CNOT4: variants seen among roughly 807,000 people sequenced by gnomAD.
CNOT4 encodes CCR4-associated factor 4.
Under a neutral mutation model 73.8 loss-of-function variants are expected in CNOT4, and 8 were observed. That is an observed-to-expected ratio of 0.11 (90% CI 0.06 to 0.20). The LOEUF is 0.20. CNOT4 is among the 10% of genes least tolerant of loss of function. The pLI is 1.00. For synonymous variants in CNOT4, 293 were observed against 321.1 expected (o/e 0.91, Z 0.94); for missense variants, 564 against 883.4 (o/e 0.64, Z 4.58).
chr7:135,501,070 G>A (rs940580680), intron 1 of CNOT4, among the ~76,000 whole-genome samples: 7 of 146,946 alleles, frequency 4.8e-5, no homozygotes, highest in South Asian at 2.1e-4. Context: ...TGCAACCTCC[G>A]CCTCCCGGGT....
At chr7:135,400,845 T>C (rs1426422957) in intron 7 of CNOT4, among the ~76,000 whole-genome samples, 1 of 152,176 alleles carries the variant, frequency 6.6e-6, no homozygotes, top group Non-Finnish European at 1.5e-5. Flanking sequence ...TTTACTATAT[T>C]CTTCTCAATT....
chr7:135,387,214 T>A (rs750173758), intron 10 of CNOT4: 126 of 984,728 alleles, frequency 1.3e-4, no homozygotes, highest in Middle Eastern at 1.0e-3. Flanking sequence ...TCTTGTAATG[T>A]CTTAAAGTCA....
intron 7 of CNOT4, among the ~76,000 whole-genome samples, chr7:135,405,562 T>C (rs139416230): frequency 7.6e-4 from 116 of 152,322 alleles, no homozygotes; most frequent in African/African-American, 2.7e-3. Flanking sequence ...CCCACTCTCA[T>C]TACTTGTATT....
chr7:135,401,253 T>A (rs890515900), intron 7 of CNOT4, among the ~76,000 whole-genome samples: 1 of 152,220 alleles, frequency 6.6e-6, no homozygotes, highest in African/African-American at 2.4e-5. Context: ...TTAATAAATT[T>A]CTTTTACTTT....
intron 7 of CNOT4, among the ~76,000 whole-genome samples, chr7:135,399,202 T>G (rs1010636391): frequency 1.3e-5 from 2 of 152,062 alleles, no homozygotes; most frequent in Admixed American, 6.6e-5. Flanking sequence ...AATGATGGGA[T>G]ACATTTTGAG....
At chr7:135,398,797 C>T (rs1212013843) in intron 7 of CNOT4, among the ~76,000 whole-genome samples, 2 of 151,992 alleles carry the variant, frequency 1.3e-5, no homozygotes, top group African/African-American at 4.8e-5. Flanking sequence ...AACATATTCC[C>T]CATTTCAGTT....
chr7:135,420,994 A>C (rs927476277), intron 3 of CNOT4, among the ~76,000 whole-genome samples: 1 of 152,116 alleles, frequency 6.6e-6, no homozygotes, highest in Non-Finnish European at 1.5e-5. Flanking sequence ...CATGTAACTA[A>C]CGACTGCCAG....
Position 135,414,361 on chromosome 7 carries a change from G to T in CNOT4, c.531C>A (p.Asn177Lys). 3 of 1,483,528 alleles carry T rather than the reference G, an allele frequency of 2.0e-6. No homozygotes were observed. The highest frequency in any genetic ancestry group is 2.8e-6 in the Non-Finnish European group (3 of 1,065,226). 91.9% of individuals were successfully genotyped at this position (1,483,528 alleles called of 1,614,324 possible). Residue 177 changes from asparagine to lysine, a missense_variant, in exon 5 of 12, where the codon AAC (asparagine) becomes AAA (lysine). Physicochemically the swap from Asn to Lys is moderately conservative, Grantham distance 94. Around this residue, in one of 10 missense-constraint regions of CNOT4, gnomAD observed 25 missense variants for 25.1 expected, o/e 1.00. Coordinates refer to ENST00000541284, the MANE Select transcript of CNOT4 (RefSeq NM_001190850.2). ...GTGTTCTGCCATCTACTACCACATTGTTGACACACTGTATGGCTCTGAGAG... is the reference window on the plus strand; with the variant it reads ...GTGTTCTGCCATCTACTACCACATTTTTGACACACTGTATGGCTCTGAGAG... ...EDALRAIQCV[N>K]NVVVDGRTLK...
intron 1 of CNOT4, among the ~76,000 whole-genome samples, chr7:135,461,141 G>A (rs888617183): frequency 6.6e-6 from 1 of 152,132 alleles, no homozygotes; most frequent in Admixed American, 6.5e-5. Flanking sequence ...CACAATTTTA[G>A]GTGGTGTGTG....
chr7:135,433,685 C>T (rs1585636413), intron 2 of CNOT4, among the ~76,000 whole-genome samples: 2 of 152,098 alleles, frequency 1.3e-5, no homozygotes, highest in South Asian at 4.1e-4. Context: ...TTCATAGATA[C>T]ATTATCTTCT....
chr7:135,388,980 T>C, intron 10 of CNOT4: 1 of 1,259,444 alleles, frequency 7.9e-7, no homozygotes, highest in Non-Finnish European at 1.1e-6. Context: ...TTTGGAATAC[T>C]GATACATATA....
intron 7 of CNOT4, among the ~76,000 whole-genome samples, chr7:135,410,096 G>T (rs1177909356): frequency 6.6e-6 from 1 of 152,042 alleles, no homozygotes; most frequent in Non-Finnish European, 1.5e-5. Flanking sequence ...AGATATCCTT[G>T]AATATCTGTG....
chr7:135,488,413 G>A (rs566934564), intron 1 of CNOT4, among the ~76,000 whole-genome samples: 5 of 152,216 alleles, frequency 3.3e-5, no homozygotes, highest in East Asian at 3.9e-4. Context: ...GGGTTTCACC[G>A]TGTTGGCCAG....
In CNOT4 at chr7:135,497,654, T is replaced by C. The variant is rs187471056; in HGVS notation, c.-93+12235A>G. Among the ~76,000 whole-genome samples the C allele has an allele frequency of 1.4e-4, 22 of 152,280 alleles. No individual in the cohort carries two copies. The East Asian group carries it at 3.9e-3, about 27-fold the overall frequency. On this transcript the variant is annotated intron_variant, in intron 1 of 11. Coordinates refer to ENST00000541284, the MANE Select transcript of CNOT4 (RefSeq NM_001190850.2). ...CACTATCATGACTTAAAAACAACAA[T>C]AACAACCTTGCAATGATTCCCCTCT...
In CNOT4 at chr7:135,469,158, C is replaced by T. The variant is rs78862381; in HGVS notation, c.-92-30735G>A. On this transcript the variant is annotated intron_variant, in intron 1 of 11. Transcript: ENST00000541284. ...TTCCCAGTATAACTCTGAGGGATGC[C>T]CAAGAACATTTGTTTATTCAACAAA... 2.3e-3 allele frequency among the ~76,000 whole-genome samples: 340 copies of T among 151,046 alleles called. 11 individuals are homozygous for T. The East Asian group carries it at 0.054, about 24-fold the overall frequency.
At chr7:135,509,593 C>G (rs1395500994) in intron 1 of CNOT4, 2 of 154,108 alleles carry the variant, frequency 1.3e-5, no homozygotes, top group African/African-American at 4.8e-5. Context: ...GGGGGAAAAG[C>G]TGGAGACCAA....
At chr7:135,429,006 T>C (rs1365684207) in intron 2 of CNOT4, among the ~76,000 whole-genome samples, 1 of 152,058 alleles carries the variant, frequency 6.6e-6, no homozygotes, top group Non-Finnish European at 1.5e-5. Flanking sequence ...CACACACACA[T>C]CTTGCTAATT....
chr7:135,480,211 A>G (rs1044819403), intron 1 of CNOT4, among the ~76,000 whole-genome samples: 1 of 152,178 alleles, frequency 6.6e-6, no homozygotes, highest in African/African-American at 2.4e-5. Flanking sequence ...ACGGCTTTTT[A>G]TGCCACCTAG....
At chr7:135,450,633 C>G (rs1405989018) in intron 1 of CNOT4, among the ~76,000 whole-genome samples, 1 of 152,126 alleles carries the variant, frequency 6.6e-6, no homozygotes, top group Admixed American at 6.6e-5. Context: ...TGATTACAGG[C>G]GTGAGCCGCT....
Sources: gnomAD v4.1 joint callset for allele counts (sites outside exome capture counted in the v4.1 genomes callset) on GRCh38, gnomAD v4.1.1 for gene constraint, gnomAD v4.1.1 regional missense constraint, MANE v1.5 for transcripts, NCBI Gene and HGNC (gene_info 2026-07-23, HGNC 2026-07-21) for gene names.